The following PAX5 variants were observed in gnomAD, a reference collection of about 807,000 sequenced individuals.
PAX5 encodes the protein paired box 5.
Under a neutral mutation model 43.7 loss-of-function variants are expected in PAX5, and 9 were observed. The observed-to-expected ratio is 0.21, with a 90% CI of 0.12 to 0.36. PAX5 has a LOEUF of 0.36. Among genes scored for constraint, PAX5 ranks in the 10% least tolerant of loss-of-function variants. The pLI, the probability that PAX5 is intolerant of heterozygous loss-of-function variation, is 1.00. For synonymous variants in PAX5, 228 were observed against 214.3 expected (o/e 1.06, Z -0.56); for missense variants, 383 against 532.7 (o/e 0.72, Z 2.77).
At position 36,972,160 on chromosome 9, in the gene PAX5, C is replaced by T. The variant is rs111306783; in HGVS notation, c.605-5436G>A. The stretch of plus-strand genomic sequence containing the variant: ...GAGCCCCAGGAAAAGAGGCTAGAGC[C>T]GCCAGGTCAGCCTCCAGCCTTTCTC... On this transcript the variant is annotated intron_variant, in intron 5 of 9. Coordinates refer to ENST00000358127, the MANE Select transcript of PAX5 (RefSeq NM_016734.3). Among the ~76,000 whole-genome samples the T allele has an allele frequency of 3.1e-3, 465 of 152,350 alleles. 4 individuals carry two copies. Among genetic ancestry groups the T allele is most frequent in the African/African-American group, 0.011 (444 of 41,580 alleles).
intron 5 of PAX5, among the ~76,000 whole-genome samples, chr9:37,000,161 A>G (rs960227113): frequency 4.6e-5 from 7 of 152,108 alleles, no homozygotes; most frequent in African/African-American, 1.7e-4. Flanking sequence ...ATACAGAGAG[A>G]GGATGGGAAA....
intron 7 of PAX5, among the ~76,000 whole-genome samples, chr9:36,899,712 C>T (rs1325291244): frequency 1.3e-5 from 2 of 152,136 alleles, no homozygotes; most frequent in Admixed American, 6.5e-5. Context: ...ATTCTTCTCC[C>T]TTACTTTTTC....
chr9:36,920,446 G>T (rs1356986985), intron 7 of PAX5, among the ~76,000 whole-genome samples: 2 of 152,154 alleles, frequency 1.3e-5, no homozygotes, highest in Non-Finnish European at 2.9e-5. Context: ...ATCGAGGCAA[G>T]ACCCTCCACC....
At chr9:37,012,848 C>T (rs531236750) in intron 3 of PAX5, among the ~76,000 whole-genome samples, 2 of 152,316 alleles carry the variant, frequency 1.3e-5, no homozygotes, top group South Asian at 2.1e-4. Flanking sequence ...AAACAATGTG[C>T]ACCCTTGCAT....
intron 8 of PAX5, among the ~76,000 whole-genome samples, chr9:36,875,692 G>T (rs896870323): frequency 6.6e-6 from 1 of 152,168 alleles, no homozygotes; most frequent in Non-Finnish European, 1.5e-5. Context: ...GGGTCCAAGG[G>T]AAACACAGAG....
intron 6 of PAX5, among the ~76,000 whole-genome samples, chr9:36,929,311 GAGAA>G (rs1349441420): frequency 6.6e-6 from 1 of 151,124 alleles, no homozygotes; most frequent in Admixed American, 6.6e-5. Context: ...GAGAGAGAGA[GAGAA>G]AGAAAGAGAA....
At chr9:36,917,171 C>T (rs1362232103) in intron 7 of PAX5, among the ~76,000 whole-genome samples, 3 of 152,064 alleles carry the variant, frequency 2.0e-5, no homozygotes, top group African/African-American at 7.2e-5. Flanking sequence ...GGTCTTTGGT[C>T]AAGGGTTTAC....
At chr9:36,943,159 T>G (rs1273823101) in intron 6 of PAX5, among the ~76,000 whole-genome samples, 2 of 152,192 alleles carry the variant, frequency 1.3e-5, no homozygotes, top group African/African-American at 4.8e-5. Context: ...TCCCATTCCC[T>G]GGGATGTGGC....
At chr9:36,990,550 A>G (rs1042785511) in intron 5 of PAX5, among the ~76,000 whole-genome samples, 3 of 152,266 alleles carry the variant, frequency 2.0e-5, no homozygotes, top group African/African-American at 7.2e-5. Context: ...AGGGCAGACT[A>G]TTATTTGGAC....
chr9:36,848,911 C>T (rs1822871656), intron 8 of PAX5, among the ~76,000 whole-genome samples: 1 of 152,236 alleles, frequency 6.6e-6, no homozygotes, highest in Non-Finnish European at 1.5e-5. Flanking sequence ...CCATAAACAG[C>T]TCCCAATTCC....
At chr9:36,888,804 C>T (rs1348098313) in intron 7 of PAX5, among the ~76,000 whole-genome samples, 2 of 152,210 alleles carry the variant, frequency 1.3e-5, no homozygotes, top group Non-Finnish European at 2.9e-5. Flanking sequence ...CTTGAGGGGG[C>T]ATGAAGCCAC....
At position 36,842,480 on chromosome 9, in the gene PAX5, CT is replaced by C. The variant is rs368425248; in HGVS notation, c.1100-1845del. 1.5e-3 allele frequency among the ~76,000 whole-genome samples: 229 copies of C among 152,314 alleles called. 1 individual carries two copies. The highest frequency in any genetic ancestry group is 5.1e-3 in the African/African-American group (210 of 41,582). On this transcript the variant is annotated intron_variant, in intron 9 of 9. Transcript: ENST00000358127. ...ACCTCTCACCCTGGACTCTGACCCA[CT>C]CCCTCCCAAAGCCAGGCTAGACCCT...
intron 8 of PAX5, among the ~76,000 whole-genome samples, chr9:36,863,036 C>G (rs4621902): frequency 0.15 from 23,153 of 152,042 alleles, 4,832 homozygotes; most frequent in African/African-American, 0.48. Context: ...AACCCTAAGT[C>G]CTGGCGTGGG....
intron 7 of PAX5, among the ~76,000 whole-genome samples, chr9:36,898,788 G>A (rs970904395): frequency 1.3e-5 from 2 of 152,134 alleles, no homozygotes. Flanking sequence ...CAGGCTCTGG[G>A]GGCGGCCCTG....
At chr9:36,850,621 C>T (rs1027719545) in intron 8 of PAX5, among the ~76,000 whole-genome samples, 2 of 152,158 alleles carry the variant, frequency 1.3e-5, no homozygotes, top group Admixed American at 6.5e-5. Flanking sequence ...AAAATACTAA[C>T]CCCTGGAATT....
intron 1 of PAX5, among the ~76,000 whole-genome samples, chr9:37,026,297 C>T (rs889596163): frequency 4.6e-5 from 7 of 152,264 alleles, no homozygotes; most frequent in African/African-American, 1.4e-4. Flanking sequence ...CCTTGAAAGG[C>T]TGCAGCTCGC....
chr9:37,002,289 A>G (rs1837946673), intron 5 of PAX5, among the ~76,000 whole-genome samples: 1 of 151,990 alleles, frequency 6.6e-6, no homozygotes, highest in East Asian at 1.9e-4. Flanking sequence ...CACAAAGTGG[A>G]CTTGGGTGTG....
chr9:36,898,717 C>T (rs563057893), intron 7 of PAX5, among the ~76,000 whole-genome samples: 28 of 152,302 alleles, frequency 1.8e-4, no homozygotes, highest in East Asian at 7.7e-4. Context: ...AGGCACCCGG[C>T]GTCTTGATTG....
chr9:36,868,084 G>T (rs1825076604), intron 8 of PAX5, among the ~76,000 whole-genome samples: 1 of 152,154 alleles, frequency 6.6e-6, no homozygotes, highest in Admixed American at 6.5e-5. Flanking sequence ...GGAGGGAAAA[G>T]TGAAAAAAAT....
Sources: gnomAD v4.1 joint callset for allele counts (sites outside exome capture counted in the v4.1 genomes callset) on GRCh38, gnomAD v4.1.1 for gene constraint, MANE v1.5 for transcripts, NCBI Gene and HGNC (gene_info 2026-07-23, HGNC 2026-07-21) for gene names.